The following YWHAQ variants were observed in gnomAD, a reference collection of about 807,000 sequenced individuals.
YWHAQ encodes tyrosine 3-monooxygenase/tryptophan 5-monooxygenase activation protein theta.
Under a neutral mutation model 28.3 loss-of-function variants are expected in YWHAQ, and 6 were observed. That is an observed-to-expected ratio of 0.21 (90% CI 0.12 to 0.42). The LOEUF (loss-of-function observed/expected upper bound fraction) is 0.42. Among genes scored for constraint, YWHAQ ranks in the 10% least tolerant of loss-of-function variants. YWHAQ has a pLI of 1.00. For synonymous variants in YWHAQ, 143 were observed against 119.1 expected (o/e 1.20, Z -1.31); for missense variants, 201 against 305.6 (o/e 0.66, Z 2.55).
intron 2 of YWHAQ, among the ~76,000 whole-genome samples, chr2:9,611,380 T>TG (rs1422897706): frequency 6.6e-6 from 1 of 152,236 alleles, no homozygotes; most frequent in East Asian, 1.9e-4. Flanking sequence ...GTGCTAGTTA[T>TG]GGCTCACTGT....
At chr2:9,613,126 G>C (rs1323348685) in intron 2 of YWHAQ, among the ~76,000 whole-genome samples, 2 of 152,170 alleles carry the variant, frequency 1.3e-5, no homozygotes, top group Non-Finnish European at 2.9e-5. Flanking sequence ...ATCCTGATAA[G>C]AAGAGGGAAA....
At chr2:9,626,950 C>T (rs1181365938) in intron 2 of YWHAQ, among the ~76,000 whole-genome samples, 1 of 152,188 alleles carries the variant, frequency 6.6e-6, no homozygotes, top group East Asian at 1.9e-4. Flanking sequence ...TCTACAGCCC[C>T]AAACCATGAG....
chr2:9,630,953 G>T lies in YWHAQ; in HGVS notation c.-95C>A, dbSNP rs1431632458. 2 of 152,686 alleles carry T rather than the reference G, an allele frequency of 1.3e-5. No individual in the cohort carries two copies. The highest frequency in any genetic ancestry group is 4.8e-5 in the African/African-American group (2 of 41,452). 9.5% of individuals were successfully genotyped at this position (152,686 alleles called of 1,614,324 possible). A position where few individuals can be genotyped will look rare whatever the true frequency, so the allele number is the denominator to read the frequency against. ...CCCAGGCGCTCACCTTCACGTCTCC[G>T]CGGCCGCGACGCGAGTCCCACCACT... On this transcript the variant is annotated 5_prime_UTR_variant, in exon 1 of 6. Transcript: ENST00000238081. The surrounding 1 kb of genome is among the most constrained non-coding windows in gnomAD (Gnocchi z 5.6).
chr2:9,591,758 A>G (rs1268300674), intron 2 of YWHAQ, among the ~76,000 whole-genome samples: 1 of 152,242 alleles, frequency 6.6e-6, no homozygotes, highest in East Asian at 1.9e-4. Flanking sequence ...ATTCTAGATT[A>G]CACCAAACAT....
Position 9,606,996 on chromosome 2 carries a change from C to T in YWHAQ, c.295-15481G>A, listed in dbSNP as rs543523113. ...ACCTCCCGGGTTCAAGCGATTCTCC[C>T]GCCTCAGCCTCCCAAGTAGCTGGGA... On this transcript the variant is annotated intron_variant, in intron 2 of 5. Coordinates refer to ENST00000238081, the MANE Select transcript of YWHAQ (RefSeq NM_006826.4). Among the ~76,000 whole-genome samples, 461 of 142,948 alleles carry T rather than the reference C, an allele frequency of 3.2e-3. 1 individual carries two copies. The highest frequency in any genetic ancestry group is 6.6e-3 in the Admixed American group (96 of 14,438). 93.8% of individuals were successfully genotyped at this position (142,948 alleles called of 152,430 possible).
intron 2 of YWHAQ, chr2:9,628,588 A>C (rs1667292456): frequency 6.6e-6 from 1 of 152,236 alleles, no homozygotes; most frequent in Non-Finnish European, 1.5e-5. Context: ...AGAGTATCCA[A>C]AATACATACA....
intron 2 of YWHAQ, among the ~76,000 whole-genome samples, chr2:9,613,760 C>G (rs1436943001): frequency 6.6e-6 from 1 of 152,168 alleles, no homozygotes; most frequent in Non-Finnish European, 1.5e-5. Flanking sequence ...AAAGGGACAG[C>G]CTTTTTGTGA....
chr2:9,588,280 C>T lies in YWHAQ; in HGVS notation c.467G>A (p.Ser156Asn). ...GTGTGTGGGTTGCATCTCTTTCTTG[C>T]TTATATCAAATGCCTCTTGGTAAGC... ...QGAYQEAFDI[S>N]KKEMQPTHPI... Residue 156 changes from serine (S) to asparagine (N), a missense_variant, in exon 4 of 6, where the codon AGC (serine) becomes AAC (asparagine). Physicochemically the swap from Ser to Asn is conservative, Grantham distance 46. Transcript: ENST00000238081. 6.2e-7 allele frequency: 1 copy of T among 1,609,610 alleles called. No individual in the cohort carries two copies. Among genetic ancestry groups the T allele is most frequent in the Non-Finnish European group, 8.5e-7 (1 of 1,179,028 alleles).
At chr2:9,620,662 A>C (rs1279840833) in intron 2 of YWHAQ, 1 of 152,078 alleles carries the variant, frequency 6.6e-6, no homozygotes, top group Admixed American at 6.6e-5. Flanking sequence ...GCTGGTTTCC[A>C]GGAATTAACA....
intron 5 of YWHAQ, 95 bp from the exon 6 acceptor site, chr2:9,585,440 A>C: frequency 2.2e-6 from 3 of 1,368,910 alleles, no homozygotes; most frequent in Non-Finnish European, 3.1e-6. Flanking sequence ...AAGAGTAGTA[A>C]ATTCCTCAAA....
At chr2:9,624,751 CTT>C (rs368023264) in intron 2 of YWHAQ, among the ~76,000 whole-genome samples, 4 of 146,040 alleles carry the variant, frequency 2.7e-5, no homozygotes, top group African/African-American at 2.5e-5. Flanking sequence ...CTATTTCACT[CTT>C]TTTTTTTTTT....
chr2:9,611,644 G>A (rs1666949291), intron 2 of YWHAQ, among the ~76,000 whole-genome samples: 1 of 152,106 alleles, frequency 6.6e-6, no homozygotes, highest in Non-Finnish European at 1.5e-5. Context: ...TTTGAAATAT[G>A]TATATCTACT....
intron 2 of YWHAQ, among the ~76,000 whole-genome samples, chr2:9,624,543 T>C (rs566395557): frequency 3.9e-4 from 59 of 152,188 alleles, no homozygotes; most frequent in African/African-American, 1.3e-3. Context: ...GGGGTCTTCG[T>C]TGGGGAGTGT....
intron 2 of YWHAQ, among the ~76,000 whole-genome samples, chr2:9,618,490 C>A (rs1427431531): frequency 6.6e-6 from 1 of 152,024 alleles, no homozygotes; most frequent in Non-Finnish European, 1.5e-5. Flanking sequence ...TGTGCCTATA[C>A]TCTTTAGAGT....
intron 2 of YWHAQ, among the ~76,000 whole-genome samples, chr2:9,595,029 C>T (rs1572989262): frequency 6.6e-6 from 1 of 152,220 alleles, no homozygotes; most frequent in Non-Finnish European, 1.5e-5. Context: ...ATAACCATTA[C>T]GTATGATTTA....
intron 4 of YWHAQ, among the ~76,000 whole-genome samples, chr2:9,587,832 T>C (rs903578585): frequency 2.6e-5 from 4 of 152,222 alleles, no homozygotes; most frequent in Non-Finnish European, 4.4e-5. Context: ...TTGAGCCACT[T>C]TGAGGAATGT....
rs773949858 is a variant in YWHAQ, at chr2:9,630,326, G to A, written c.127C>T (p.Leu43=). Residue 43 remains leucine, a synonymous_variant, in exon 2 of 6, where the codon CTG becomes TTG. Coordinates refer to ENST00000238081, the MANE Select transcript of YWHAQ (RefSeq NM_006826.4). This position sits in a 1 kb window ranked among gnomAD's most constrained non-coding sequence, Gnocchi z 5.6. The part of the protein sequence containing the change: ...GAELSNEERN[L]LSVAYKNVVG... The stretch of plus-strand genomic sequence containing the variant: ...ACGTTCTTGTAGGCCACGGAGAGCA[G>A]GTTGCGCTCCTCGTTGGACAGCTCG... 1 of 1,614,146 alleles carries A rather than the reference G, an allele frequency of 6.2e-7. No homozygotes were observed. Among genetic ancestry groups the A allele is most frequent in the South Asian group, 1.1e-5 (1 of 91,084 alleles).
At chr2:9,601,243 C>T (rs1228861348) in intron 2 of YWHAQ, among the ~76,000 whole-genome samples, 1 of 152,124 alleles carries the variant, frequency 6.6e-6, no homozygotes, top group Non-Finnish European at 1.5e-5. Flanking sequence ...GGGTGGATCA[C>T]CTGAAGTCAA....
At chr2:9,597,558 A>C (rs1469689308) in intron 2 of YWHAQ, among the ~76,000 whole-genome samples, 1 of 150,154 alleles carries the variant, frequency 6.7e-6, no homozygotes, top group Non-Finnish European at 1.5e-5. Context: ...AGGCAGGAGA[A>C]TCGCTTGAAA....
Sources: gnomAD v4.1 joint callset for allele counts (sites outside exome capture counted in the v4.1 genomes callset) on GRCh38, gnomAD v4.1.1 for gene constraint, Gnocchi (gnomAD v3.1) non-coding constraint, MANE v1.5 for transcripts, NCBI Gene and HGNC (gene_info 2026-07-23, HGNC 2026-07-21) for gene names.